Variants in RB1 observed in about 807,000 individuals in gnomAD.
The protein encoded by RB1 is RB transcriptional corepressor 1.
In RB1, 18 loss-of-function variants were observed where a neutral mutation model predicts 135.4. The observed-to-expected ratio is 0.13, with a 90% CI of 0.09 to 0.20. RB1 has a LOEUF of 0.20. RB1 is among the 10% of genes least tolerant of loss of function. The probability of loss-of-function intolerance (pLI) is 1.00; values close to 1 mark genes in which losing one functional copy is unlikely to be tolerated. For missense variants in RB1, 868 were observed against 1,110.0 expected (o/e 0.78, Z 3.10); for synonymous variants, 365 against 373.2 (o/e 0.98, Z 0.25).
chr13:48,324,127 A>G (rs190253861), intron 2 of RB1, among the ~76,000 whole-genome samples: 255 of 152,248 alleles, frequency 1.7e-3, no homozygotes, highest in African/African-American at 5.9e-3. Flanking sequence ...TGATACAAGC[A>G]TATAATGTGT....
chr13:48,390,189 A>G (rs1384002152), intron 17 of RB1, among the ~76,000 whole-genome samples: 1 of 152,202 alleles, frequency 6.6e-6, no homozygotes, highest in Non-Finnish European at 1.5e-5. Flanking sequence ...ACAAACAAAC[A>G]AAAAGTAACA....
chr13:48,446,310 G>A (rs1295629347), intron 17 of RB1, among the ~76,000 whole-genome samples: 2 of 151,996 alleles, frequency 1.3e-5, no homozygotes, highest in African/African-American at 4.8e-5. Context: ...AGAAAACTTT[G>A]AGATTAAGTT....
At chr13:48,404,338 G>T (rs1160426118) in intron 17 of RB1, 1 of 152,062 alleles carries the variant, frequency 6.6e-6, no homozygotes, top group East Asian at 1.9e-4. Flanking sequence ...GGTAGGTTAT[G>T]TAGTTCCTTA....
At chr13:48,336,137 T>G (rs1182071974) in intron 2 of RB1, among the ~76,000 whole-genome samples, 1 of 151,786 alleles carries the variant, frequency 6.6e-6, no homozygotes, top group African/African-American at 2.4e-5. Context: ...GACATCAGTC[T>G]AAAATTCTCT....
At chr13:48,385,209 C>T (rs1307247862) in intron 17 of RB1, among the ~76,000 whole-genome samples, 1 of 152,146 alleles carries the variant, frequency 6.6e-6, no homozygotes, top group Non-Finnish European at 1.5e-5. Context: ...CCATTTCTCT[C>T]ACAGCAGCCA....
intron 2 of RB1, among the ~76,000 whole-genome samples, chr13:48,339,117 G>T (rs1343162695): frequency 6.6e-6 from 1 of 152,200 alleles, no homozygotes; most frequent in East Asian, 1.9e-4. Context: ...CTACTCAGGG[G>T]TCAGGGACCC....
chr13:48,446,975 G>A (rs1388988177), intron 17 of RB1, among the ~76,000 whole-genome samples: 1 of 152,160 alleles, frequency 6.6e-6, no homozygotes, highest in Non-Finnish European at 1.5e-5. Flanking sequence ...AAGAGTAGAA[G>A]TATGGAAACC....
Position 48,464,991 on chromosome 13 carries a change from T to A in RB1, c.2212-7T>A, listed in dbSNP as rs2138344465. On this transcript the variant is annotated splice_region_variant and splice_polypyrimidine_tract_variant and intron_variant, in intron 21 of 26. Coordinates refer to ENST00000267163, the MANE Select transcript of RB1 (RefSeq NM_000321.3). ...TTTTTTTTTTTTTTTTTACTGTTCT[T>A]CCTCAGACATTCAAACGTGTTTTGA... 1.5e-6 allele frequency: 2 copies of A among 1,362,970 alleles called. No individual in the cohort carries two copies. The highest frequency in any genetic ancestry group is 2.1e-6 in the Non-Finnish European group (2 of 973,108). The allele number at this position is 1,362,970 out of a possible 1,614,324, so 84.4% of individuals were successfully genotyped here. A position where few individuals can be genotyped will look rare whatever the true frequency, so the allele number is the denominator to read the frequency against.
intron 2 of RB1, among the ~76,000 whole-genome samples, chr13:48,310,609 T>G (rs965876818): frequency 6.6e-6 from 1 of 152,160 alleles, no homozygotes; most frequent in Admixed American, 6.5e-5. Flanking sequence ...ATAATTTTAC[T>G]TAAGAAATAC....
intron 13 of RB1, among the ~76,000 whole-genome samples, chr13:48,377,442 A>C (rs978336873): frequency 1.3e-5 from 2 of 152,160 alleles, no homozygotes; most frequent in Non-Finnish European, 2.9e-5. Flanking sequence ...TCTAAAGCTA[A>C]TATAATAGGT....
intron 1 of RB1, among the ~76,000 whole-genome samples, chr13:48,306,246 A>G (rs909836019): frequency 3.9e-5 from 6 of 152,156 alleles, no homozygotes; most frequent in African/African-American, 1.4e-4. Context: ...CTCTAAAACA[A>G]ATTTTAAAAA....
chr13:48,340,633 A>T (rs538193998), intron 2 of RB1, among the ~76,000 whole-genome samples: 11 of 151,744 alleles, frequency 7.2e-5, no homozygotes, highest in African/African-American at 2.6e-4. Context: ...TATTGAGAGC[A>T]GTTATTGCCT....
chr13:48,391,513 G>C (rs1251265352), intron 17 of RB1: 1 of 152,024 alleles, frequency 6.6e-6, no homozygotes, highest in Non-Finnish European at 1.5e-5. Flanking sequence ...CCAACACTTA[G>C]TGGGGCTGAG....
intron 2 of RB1, among the ~76,000 whole-genome samples, chr13:48,325,516 A>G (rs1438919001): frequency 3.3e-5 from 5 of 152,206 alleles, no homozygotes; most frequent in Non-Finnish European, 7.4e-5. Flanking sequence ...AAACGAAAGA[A>G]AAGTATAAAC....
At chr13:48,433,075 A>C (rs1949146626) in intron 17 of RB1, among the ~76,000 whole-genome samples, 1 of 152,124 alleles carries the variant, frequency 6.6e-6, no homozygotes, top group Non-Finnish European at 1.5e-5. Context: ...AGTTTCTCAA[A>C]GTGATTTTAA....
At chr13:48,409,855 A>G (rs1045982817) in intron 17 of RB1, among the ~76,000 whole-genome samples, 1 of 152,174 alleles carries the variant, frequency 6.6e-6, no homozygotes, top group Non-Finnish European at 1.5e-5. Flanking sequence ...CTAGGATTAC[A>G]GGTGTGAACC....
At chr13:48,347,501 G>T (rs979104693) in intron 4 of RB1, among the ~76,000 whole-genome samples, 2 of 152,050 alleles carry the variant, frequency 1.3e-5, no homozygotes, top group Admixed American at 6.6e-5. Context: ...TTGTAAAAGG[G>T]ATTTAAAATT....
chr13:48,311,688 G>T (rs2138040614), intron 2 of RB1, among the ~76,000 whole-genome samples: 1 of 152,124 alleles, frequency 6.6e-6, no homozygotes, highest in East Asian at 1.9e-4. Context: ...TTTAAATTCT[G>T]TTTTTTATTA....
chr13:48,420,295 AT>A (rs1948985882), intron 17 of RB1, among the ~76,000 whole-genome samples: 1 of 152,254 alleles, frequency 6.6e-6, no homozygotes, highest in Non-Finnish European at 1.5e-5. Flanking sequence ...CCACATGATT[AT>A]GTCAATAGAT....
Sources: allele counts gnomAD v4.1 joint callset (sites outside exome capture counted in the v4.1 genomes callset), GRCh38; gene constraint gnomAD v4.1.1; transcripts MANE v1.5; gene names NCBI Gene and HGNC (gene_info 2026-07-23, HGNC 2026-07-21).